Variants in SSC4D observed in about 807,000 individuals in gnomAD.
SSC4D encodes scavenger receptor cysteine rich family member with 4 domains, also known as scavenger receptor cysteine-rich domain-containing group B protein.
In SSC4D, 57 loss-of-function variants were observed where a neutral mutation model predicts 63.4. The observed-to-expected ratio is 0.90, with a 90% CI of 0.73 to 1.12. The LOEUF (loss-of-function observed/expected upper bound fraction) is 1.12, where lower values mean the gene tolerates loss of function less well. SSC4D is among the 50% of genes most tolerant of loss of function. SSC4D has a pLI of 0.00. For synonymous variants in SSC4D, 352 were observed against 345.4 expected, an observed-to-expected ratio of 1.02 and a Z score of -0.21; for missense variants, 791 against 806.4, an observed-to-expected ratio of 0.98 and a Z score of 0.23.
At chr7:76,394,917 A>T (rs1584019131) in intron 7 of SSC4D, among the ~76,000 whole-genome samples, 1 of 150,286 alleles carries the variant, frequency 6.7e-6, no homozygotes, top group Non-Finnish European at 1.5e-5. Context: ...TACGTTGCCC[A>T]GGATGGTCTT....
chr7:76,400,431 G>A lies in SSC4D; in HGVS notation c.330C>T (p.Pro110=). ...GCGLALPVPR[P]LAFGQGRGPI... ...GGCCTCGGCCTTGGCCAAAGGCAAG[G>A]GGCCGTGGCACGGGCAGTGCCAGGC... Residue 110 remains proline, a synonymous_variant, in exon 4 of 11, where the codon CCC becomes CCT. Coordinates refer to ENST00000275560, the MANE Select transcript of SSC4D (RefSeq NM_080744.2). 3 of 1,607,110 alleles carry A rather than the reference G, an allele frequency of 1.9e-6. No homozygotes were observed. The highest frequency in any genetic ancestry group is 2.6e-6 in the Non-Finnish European group (3 of 1,175,804).
intron 2 of SSC4D, among the ~76,000 whole-genome samples, chr7:76,402,908 C>T (rs940387500): frequency 6.6e-6 from 1 of 152,198 alleles, no homozygotes; most frequent in Non-Finnish European, 1.5e-5. Flanking sequence ...CTCAGGTGAT[C>T]CATCCGCCTC....
intron 7 of SSC4D, among the ~76,000 whole-genome samples, chr7:76,394,288 A>G (rs1003710410): frequency 6.6e-6 from 1 of 152,092 alleles, no homozygotes; most frequent in African/African-American, 2.4e-5. Flanking sequence ...TCTGTCGCCC[A>G]GGCTGGAGTG....
Position 76,390,050 on chromosome 7 carries a change from C to A in SSC4D, c.*9G>T. On this transcript the variant is annotated 3_prime_UTR_variant, in exon 11 of 11. Coordinates refer to ENST00000275560, the MANE Select transcript of SSC4D (RefSeq NM_080744.2). ...CCAGAAGAAGAGGTGGTCTGCAGAG[C>A]GGGCTGGGTCATGAAGGCTGGCACA... 1 of 1,614,022 alleles carries A rather than the reference C, an allele frequency of 6.2e-7. No individual in the cohort carries two copies. Among genetic ancestry groups the A allele is most frequent in the South Asian group, 1.1e-5 (1 of 91,074 alleles).
Position 76,398,309 on chromosome 7 carries a change from ATTTT to A in SSC4D, c.553+407_553+410del, listed in dbSNP as rs575917641. Among the ~76,000 whole-genome samples, 963 of 127,190 alleles carry A rather than the reference ATTTT, an allele frequency of 7.6e-3. 12 individuals are homozygous for A. Among genetic ancestry groups the A allele is most frequent in the African/African-American group, 0.024 (841 of 34,436 alleles). 83.4% of individuals were successfully genotyped at this position (127,190 alleles called of 152,430 possible). On this transcript the variant is annotated intron_variant, in intron 5 of 10. Coordinates refer to ENST00000275560, the MANE Select transcript of SSC4D (RefSeq NM_080744.2). The stretch of plus-strand genomic sequence containing the variant: ...CAGTCTCACCGCCCATTCATTTTCT[ATTTT>A]TTTTTTTTTTTTTTGAGACAGGGTC...
chr7:76,396,730 A>G (rs1804649247), intron 6 of SSC4D, among the ~76,000 whole-genome samples: 1 of 152,226 alleles, frequency 6.6e-6, no homozygotes, highest in South Asian at 2.1e-4. Flanking sequence ...GCTATGAGTT[A>G]TGAGTTGTGG....
chr7:76,401,003 C>T lies in SSC4D; in HGVS notation c.169+5G>A, dbSNP rs998107585. The T allele has an allele frequency of 4.5e-6, 7 of 1,550,534 alleles. No individual in the cohort carries two copies. Among genetic ancestry groups the T allele is most frequent in the African/African-American group, 2.7e-5 (2 of 72,946 alleles). On this transcript the variant is annotated splice_donor_5th_base_variant and intron_variant, in intron 3 of 10. Coordinates refer to ENST00000275560, the MANE Select transcript of SSC4D (RefSeq NM_080744.2). The stretch of plus-strand genomic sequence containing the variant: ...GGGTGAGGAAGGGCGGGGTGGGGCA[C>T]CTACCTTGAAAGGGCAGTGGAGTGG...
chr7:76,393,572 G>A lies in SSC4D; in HGVS notation c.1166C>T (p.Pro389Leu). Reference sequence around the variant, plus strand: ...GCCCAGTCCCGTAGCGCCCAGCGCAGGCCCGCAGCCCGCTTCGCGGCAGGC... The same window carrying A: ...GCCCAGTCCCGTAGCGCCCAGCGCAAGCCCGCAGCCCGCTTCGCGGCAGGC... ...RVACREAGCG[P>L]ALGATGLGHF... Residue 389 changes from proline (P) to leucine (L), a missense_variant, in exon 9 of 11, where the codon CCT becomes CTT. Physicochemically the swap from Pro to Leu is moderately conservative, Grantham distance 98. Transcript: ENST00000275560. 6.6e-7 allele frequency: 1 copy of A among 1,514,320 alleles called. No homozygotes were observed. Among genetic ancestry groups the A allele is most frequent in the Non-Finnish European group, 8.8e-7 (1 of 1,137,936 alleles). 93.8% of individuals were successfully genotyped at this position (1,514,320 alleles called of 1,614,324 possible). A position where few individuals can be genotyped will look rare whatever the true frequency, so the allele number is the denominator to read the frequency against.
At position 76,393,877 on chromosome 7, in the gene SSC4D, C is replaced by T; in HGVS notation, c.974G>A (p.Arg325Gln). 4 of 1,606,680 alleles carry T rather than the reference C, an allele frequency of 2.5e-6. No individual in the cohort carries two copies. The highest frequency in any genetic ancestry group is 3.4e-6 in the Non-Finnish European group (4 of 1,176,418). The change falls in exon 8 of 11, where the codon CGG (arginine) becomes CAG (glutamine). Residue 325 changes from arginine (R) to glutamine (Q), a missense_variant. By Grantham distance (43) the Arg-to-Gln change is conservative. Coordinates refer to ENST00000275560, the MANE Select transcript of SSC4D (RefSeq NM_080744.2). Reference sequence around the variant, plus strand: ...GGCGGTGGTGAGCAGTGCTGTCTCCCGGGAAGGCTGGGGGCCAACTCCTGT... The same window carrying T: ...GGCGGTGGTGAGCAGTGCTGTCTCCTGGGAAGGCTGGGGGCCAACTCCTGT... Reference protein sequence around the residue: ...SATGVGPQPSRETALLTTAAW... With the variant: ...SATGVGPQPSQETALLTTAAW...
intron 5 of SSC4D, among the ~76,000 whole-genome samples, chr7:76,398,215 T>C (rs1804702661): frequency 6.6e-6 from 1 of 152,106 alleles, no homozygotes; most frequent in Non-Finnish European, 1.5e-5. Context: ...TTAGAGCACT[T>C]TTCATTTTCT....
At chr7:76,397,258 A>T (rs1804663649) in intron 6 of SSC4D, among the ~76,000 whole-genome samples, 3 of 152,100 alleles carry the variant, frequency 2.0e-5, no homozygotes, top group Non-Finnish European at 1.5e-5. Flanking sequence ...AATTTTTGCC[A>T]TGTTGGCCAG....
chr7:76,393,180 A>C (rs4617087), intron 9 of SSC4D, among the ~76,000 whole-genome samples: 69,339 of 151,796 alleles, frequency 0.46, 16,241 homozygotes, highest in South Asian at 0.53. Context: ...CGCGGCGCTC[A>C]CCAGGCCCCG....
At position 76,393,714 on chromosome 7, in the gene SSC4D, C is replaced by A; in HGVS notation, c.1024G>T (p.Gly342Ter). The A allele has an allele frequency of 7.2e-7, 1 of 1,388,124 alleles. No individual in the cohort carries two copies. Among genetic ancestry groups the A allele is most frequent in the Non-Finnish European group, 9.3e-7 (1 of 1,078,040 alleles). 86.0% of individuals were successfully genotyped at this position (1,388,124 alleles called of 1,614,324 possible). The change falls in exon 9 of 11, where the codon GGA becomes TGA. Residue 342 changes from glycine (G) to a stop codon, truncating the protein, a stop_gained and splice_region_variant. Coordinates refer to ENST00000275560, the MANE Select transcript of SSC4D (RefSeq NM_080744.2). LOFTEE classifies it high-confidence loss of function. Reference sequence around the variant, plus strand: ...GGGCCGCCCACCAGTCGCAGCCGTCCACCTGCGGGGCGCACAGGCCCGCGG... The same window carrying A: ...GGGCCGCCCACCAGTCGCAGCCGTCAACCTGCGGGGCGCACAGGCCCGCGG... ...TAAWAAGKKS[G>*]RLRLVGGPGP...
Position 76,393,747 on chromosome 7 carries a change from G to C in SSC4D, c.1022-31C>G, listed in dbSNP as rs777953443. 164 of 1,420,402 alleles carry C rather than the reference G, an allele frequency of 1.2e-4. 1 individual carries two copies. In the African/African-American group the frequency reaches 2.6e-3, roughly 23 times the overall value. 88.0% of individuals were successfully genotyped at this position (1,420,402 alleles called of 1,614,324 possible). On this transcript the variant is annotated intron_variant, in intron 8 of 10. Transcript: ENST00000275560. ...GGGCGCACAGGCCCGCGGCCAGAGG[G>C]GCTGGGCTGGGGCTGCCGGCTCCCG...
In SSC4D at chr7:76,400,351, C is replaced by T; in HGVS notation, c.410G>A (p.Cys137Tyr). The change falls in exon 4 of 11, where the codon TGC becomes TAC. Residue 137 changes from cysteine (C) to tyrosine (Y), a missense_variant. By Grantham distance (194) the Cys-to-Tyr change is radical. Coordinates refer to ENST00000275560, the MANE Select transcript of SSC4D (RefSeq NM_080744.2). Reference sequence around the variant, plus strand: ...GTGGACGCCCCAGCCGCGGCTGCCGCACTCGCTCAGCGCAGCTTCCTGCCC... The same window carrying T: ...GTGGACGCCCCAGCCGCGGCTGCCGTACTCGCTCAGCGCAGCTTCCTGCCC... The part of the protein sequence containing the change: ...CRGQEAALSE[C>Y]GSRGWGVHNC... 5 of 1,544,330 alleles carry T rather than the reference C, an allele frequency of 3.2e-6. No homozygotes were observed. Among genetic ancestry groups the T allele is most frequent in the Admixed American group, 4.0e-5 (2 of 50,016 alleles).
chr7:76,390,584 G>C (rs761402840), intron 10 of SSC4D, among the ~76,000 whole-genome samples: 1 of 152,230 alleles, frequency 6.6e-6, no homozygotes, highest in South Asian at 2.1e-4. Context: ...TTGGGAGGCC[G>C]AGGCAGGCGG....
chr7:76,392,199 G>A (rs1412172825), intron 9 of SSC4D, among the ~76,000 whole-genome samples, 158 bp from the exon 10 acceptor site: 2 of 152,128 alleles, frequency 1.3e-5, no homozygotes, highest in Non-Finnish European at 2.9e-5. Context: ...TCAGAAATGC[G>A]GGTTGTGTCA....
intron 2 of SSC4D, 132 bp downstream of exon 2, chr7:76,404,175 G>T: frequency 7.6e-7 from 1 of 1,314,524 alleles, no homozygotes; most frequent in Non-Finnish European, 1.0e-6. Flanking sequence ...TGTCAACTCT[G>T]GGCAAAGGTC....
intron 1 of SSC4D, among the ~76,000 whole-genome samples, chr7:76,405,882 C>G (rs1805008910): frequency 6.6e-6 from 1 of 152,022 alleles, no homozygotes; most frequent in Non-Finnish European, 1.5e-5. Flanking sequence ...TGTTTTCTTT[C>G]TTTCCTTCCT....
Sources: gnomAD v4.1 joint callset for allele counts (sites outside exome capture counted in the v4.1 genomes callset) on GRCh38, gnomAD v4.1.1 for gene constraint, MANE v1.5 for transcripts, NCBI Gene and HGNC (gene_info 2026-07-23, HGNC 2026-07-21) for gene names.